Variants in CORO6 observed in about 807,000 individuals in gnomAD.
CORO6 encodes coronin 6, also known as coronin-6.
A neutral mutation model predicts 49.0 loss-of-function variants in CORO6; 43 were observed. That is an observed-to-expected ratio of 0.88 (90% CI 0.69 to 1.13). The LOEUF is 1.13. Ranked by LOEUF, CORO6 falls within the 50% of genes most tolerant of loss-of-function variation. The probability of loss-of-function intolerance (pLI) is 0.00; values close to 1 mark genes in which losing one functional copy is unlikely to be tolerated. For missense variants in CORO6, 650 were observed against 647.0 expected (o/e 1.00, Z -0.05); for synonymous variants, 233 against 256.5 (o/e 0.91, Z 0.88).
At position 29,616,306 on chromosome 17, in the gene CORO6, T is replaced by C. The variant is rs2034905829; in HGVS notation, c.1035A>G (p.Glu345=). The C allele has an allele frequency of 1.2e-6, 2 of 1,610,304 alleles. No individual in the cohort carries two copies. The highest frequency in any genetic ancestry group is 2.7e-5 in the African/African-American group (2 of 74,886). ...RFYKLHERKC[E]PIIMTVPRKS... ...TGCGGGGCACAGTCATGATGATAGG[T>C]TCACACTTTCTTTCGTGTAGCTTGT... The change falls in exon 9 of 11, where the codon GAA becomes GAG. Residue 345 remains glutamate (E), a synonymous_variant. Coordinates refer to ENST00000388767, the MANE Select transcript of CORO6 (RefSeq NM_032854.4). The surrounding 1 kb of genome is among the most constrained non-coding windows in gnomAD (Gnocchi z 5.6).
chr17:29,616,099 G>C lies in CORO6; in HGVS notation c.1139C>G (p.Ser380Cys). 2 of 1,613,192 alleles carry C rather than the reference G, an allele frequency of 1.2e-6. No homozygotes were observed. Among genetic ancestry groups the C allele is most frequent in the Non-Finnish European group, 1.7e-6 (2 of 1,180,018 alleles). The change falls in exon 10 of 11, where the codon TCC becomes TGC. Residue 380 changes from serine (S) to cysteine (C), a missense_variant. Ser to Cys is a moderately radical substitution (Grantham distance 112). Transcript: ENST00000388767. The surrounding 1 kb of genome is among the most constrained non-coding windows in gnomAD (Gnocchi z 5.6). ...GAGCACGGGTTCGGCGTCCTGGCCGGATAGCCATTCGTCCGCTTCTAGGGC... is the reference window on the plus strand; with the variant it reads ...GAGCACGGGTTCGGCGTCCTGGCCGCATAGCCATTCGTCCGCTTCTAGGGC... ...EPALEADEWL[S>C]GQDAEPVLIS...
At position 29,615,605 on chromosome 17, in the gene CORO6, G is replaced by A. The variant is rs2034817972; in HGVS notation, c.*127C>T. ...AGAGTTCTGGTCTCCCGCGAGGGGC[G>A]GAGTTCCCTCCCCAGTCCCGCCCCC... On this transcript the variant is annotated 3_prime_UTR_variant, in exon 11 of 11. Transcript: ENST00000388767. 8.7e-6 allele frequency: 9 copies of A among 1,037,308 alleles called. No individual in the cohort carries two copies. The highest frequency in any genetic ancestry group is 1.2e-5 in the Non-Finnish European group (9 of 747,006). The allele number at this position is 1,037,308 out of a possible 1,614,324, so 64.3% of individuals were successfully genotyped here.
chr17:29,616,675 T>C lies in CORO6; in HGVS notation c.1004+27A>G, dbSNP rs770187298. 2 of 1,583,030 alleles carry C rather than the reference T, an allele frequency of 1.3e-6. No homozygotes were observed. The highest frequency in any genetic ancestry group is 2.3e-5 in the East Asian group (1 of 44,240). ...TGAGTGGGGGACAGAGGCGGGTAGGTGTTCAGGAGGGGCCAAGGCTGCTGA... is the reference window on the plus strand; with the variant it reads ...TGAGTGGGGGACAGAGGCGGGTAGGCGTTCAGGAGGGGCCAAGGCTGCTGA... On this transcript the variant is annotated intron_variant, in intron 8 of 10. Transcript: ENST00000388767. This position sits in a 1 kb window ranked among gnomAD's most constrained non-coding sequence, Gnocchi z 5.6.
chr17:29,618,239 C>T, intron 5 of CORO6: 1 of 1,312,356 alleles, frequency 7.6e-7, no homozygotes, highest in Non-Finnish European at 9.7e-7. Context: ...TTGCTCCACG[C>T]AGACATGCAC....
chr17:29,622,644 G>C, intron 1 of CORO6, 44 bp downstream of exon 1: 1 of 1,114,460 alleles, frequency 9.0e-7, no homozygotes, highest in Non-Finnish European at 1.1e-6. Context: ...GACCCCGCCC[G>C]CTCCGCTGGC....
At chr17:29,617,936 G>T in intron 5 of CORO6, 1 of 938,446 alleles carries the variant, frequency 1.1e-6, no homozygotes, top group South Asian at 1.9e-5. Flanking sequence ...TTTCCCGAAT[G>T]GGAGCTCCCC....
At position 29,616,298 on chromosome 17, in the gene CORO6, A is replaced by G; in HGVS notation, c.1043T>C (p.Ile348Thr). ...CCTCACCTTGCGGGGCACAGTCATG[A>G]TGATAGGTTCACACTTTCTTTCGTG... ...KLHERKCEPI[I>T]MTVPRKSDLF... The change falls in exon 9 of 11, where the codon ATC becomes ACC. Residue 348 changes from isoleucine to threonine, a missense_variant. Transcript: ENST00000388767. The surrounding 1 kb of genome is among the most constrained non-coding windows in gnomAD (Gnocchi z 5.6). The G allele has an allele frequency of 6.2e-7, 1 of 1,611,050 alleles. No individual in the cohort carries two copies. Among genetic ancestry groups the G allele is most frequent in the Non-Finnish European group, 8.5e-7 (1 of 1,178,618 alleles).
In CORO6 at chr17:29,615,106, T is replaced by G. The variant is rs563169232; in HGVS notation, c.*626A>C. On this transcript the variant is annotated 3_prime_UTR_variant, in exon 11 of 11. Coordinates refer to ENST00000388767, the MANE Select transcript of CORO6 (RefSeq NM_032854.4). The stretch of plus-strand genomic sequence containing the variant: ...CTCATGCCAGTTCTCTCGAGATTTC[T>G]TCGCGGGGGCTGCCGCGAGGAAGCA... 3.0e-4 allele frequency: 45 copies of G among 152,242 alleles called. No individual in the cohort carries two copies. Among genetic ancestry groups the G allele is most frequent in the African/African-American group, 1.1e-3 (44 of 41,476 alleles). The allele number at this position is 152,242 out of a possible 1,614,324, so 9.4% of individuals were successfully genotyped here. A position where few individuals can be genotyped will look rare whatever the true frequency, so the allele number is the denominator to read the frequency against.
chr17:29,621,741 A>G lies in CORO6; in HGVS notation c.-63-257T>C. 1 of 346,716 alleles carries G rather than the reference A, an allele frequency of 2.9e-6. No individual in the cohort carries two copies. The highest frequency in any genetic ancestry group is 5.5e-6 in the Non-Finnish European group (1 of 183,206). The allele number at this position is 346,716 out of a possible 1,614,324, so 21.5% of individuals were successfully genotyped here. On this transcript the variant is annotated intron_variant, in intron 1 of 10. Transcript: ENST00000388767. This position sits in a 1 kb window ranked among gnomAD's most constrained non-coding sequence, Gnocchi z 4.2. ...GACTGAAAGCTTTCTGGACGTTGGA[A>G]TGTTTTTGGGAGGAGCCTCAATGCC...
intron 6 of CORO6, 130 bp downstream of exon 6, chr17:29,617,370 A>C (rs1299045046): frequency 1.3e-6 from 2 of 1,542,692 alleles, no homozygotes; most frequent in Non-Finnish European, 1.7e-6. Flanking sequence ...TGAGAATGGC[A>C]GGCGCTGCAG....
chr17:29,616,173 T>C lies in CORO6; in HGVS notation c.1065A>G (p.Ser355=). ...EPIIMTVPRK[S]DLFQDDLYPD... ...GGTACAGATCGTCCTGGAAGAGGTC[T>C]GACTGCGGGGGTGGGTGGACAGGAG... The change falls in exon 10 of 11, where the codon TCA becomes TCG. Residue 355 remains serine, a splice_region_variant and synonymous_variant. Coordinates refer to ENST00000388767, the MANE Select transcript of CORO6 (RefSeq NM_032854.4). This position sits in a 1 kb window ranked among gnomAD's most constrained non-coding sequence, Gnocchi z 5.6. 1.2e-6 allele frequency: 2 copies of C among 1,612,676 alleles called. No individual in the cohort carries two copies. Among genetic ancestry groups the C allele is most frequent in the Non-Finnish European group, 1.7e-6 (2 of 1,179,164 alleles).
In CORO6 at chr17:29,616,287, G is replaced by T; in HGVS notation, c.1054C>A (p.Pro352Thr). 1 of 1,611,008 alleles carries T rather than the reference G, an allele frequency of 6.2e-7. No homozygotes were observed. Among genetic ancestry groups the T allele is most frequent in the Non-Finnish European group, 8.5e-7 (1 of 1,178,580 alleles). ...TTCTCCCGGCCCCTCACCTTGCGGG[G>T]CACAGTCATGATGATAGGTTCACAC... ...RKCEPIIMTV[P>T]RKSDLFQDDL... Residue 352 changes from proline to threonine, a missense_variant, in exon 9 of 11, where the codon CCC (proline) becomes ACC (threonine). Pro to Thr is a conservative substitution (Grantham distance 38). Transcript: ENST00000388767. This position sits in a 1 kb window ranked among gnomAD's most constrained non-coding sequence, Gnocchi z 5.6.
rs779106213 is a variant in CORO6 at position 29,618,825 on chromosome 17, G to T, written c.598C>A (p.Arg200Ser). 5.0e-5 allele frequency: 81 copies of T among 1,613,904 alleles called. No homozygotes were observed. The highest frequency in any genetic ancestry group is 6.5e-5 in the Non-Finnish European group (77 of 1,180,004). ...LATTCKDKTL[R>S]IIDPRKGQVV... ...TGGCCTTTTCTGGGGTCAATGATGC[G>T]CAAGGTCTTGTCCTTGCAGGTGGTG... is the stretch of plus-strand genomic sequence containing the variant. Residue 200 changes from arginine to serine, a missense_variant, in exon 5 of 11, where the codon CGC becomes AGC. By Grantham distance (110) the Arg-to-Ser change is moderately radical (BLOSUM62 -1). Transcript: ENST00000388767.
chr17:29,615,120 C>T lies in CORO6; in HGVS notation c.*612G>A, dbSNP rs2034785087. On this transcript the variant is annotated 3_prime_UTR_variant, in exon 11 of 11. Transcript: ENST00000388767. Reference sequence around the variant, plus strand: ...CTCGAGATTTCTTCGCGGGGGCTGCCGCGAGGAAGCAGCCCTCGCCCCTGT... The same window carrying T: ...CTCGAGATTTCTTCGCGGGGGCTGCTGCGAGGAAGCAGCCCTCGCCCCTGT... 1 of 152,160 alleles carries T rather than the reference C, an allele frequency of 6.6e-6. No individual in the cohort carries two copies. Among genetic ancestry groups the T allele is most frequent in the Non-Finnish European group, 1.5e-5 (1 of 68,042 alleles). The allele number at this position is 152,160 out of a possible 1,614,324, so 9.4% of individuals were successfully genotyped here.
In CORO6 at chr17:29,622,834, C is replaced by T. The variant is rs1428937922; in HGVS notation, c.-210G>A. 1.5e-6 allele frequency: 2 copies of T among 1,305,328 alleles called. No homozygotes were observed. The highest frequency in any genetic ancestry group is 2.0e-6 in the Non-Finnish European group (2 of 991,296). The allele number at this position is 1,305,328 out of a possible 1,614,324, so 80.9% of individuals were successfully genotyped here. On this transcript the variant is annotated 5_prime_UTR_variant, in exon 1 of 11. Transcript: ENST00000388767. ...TCTGGGACCCGGGTGTCCAGCTCCG[C>T]ACTCTGGCCGATCCTGCGGCTCTCT... is the stretch of plus-strand genomic sequence containing the variant.
At chr17:29,622,647 C>T in intron 1 of CORO6, 41 bp downstream of exon 1, 1 of 1,128,624 alleles carries the variant, frequency 8.9e-7, no homozygotes, top group Non-Finnish European at 1.1e-6. Flanking sequence ...CCCGCCCGCT[C>T]CGCTGGCTGC....
Position 29,616,987 on chromosome 17 carries a change from A to G in CORO6, c.809T>C (p.Leu270Pro), listed in dbSNP as rs545503072. ...GGAGTCGGGATCGTAAAAGGGCAATAGGACCCCGTTGCTTGTGTCCATCTC... is the reference window on the plus strand; with the variant it reads ...GGAGTCGGGATCGTAAAAGGGCAATGGGACCCCGTTGCTTGTGTCCATCTC... ...LQEMDTSNGV[L>P]LPFYDPDSSI... is the part of the protein sequence containing the mutation. Residue 270 changes from leucine (L) to proline (P), a missense_variant, in exon 7 of 11, where the codon CTA (leucine) becomes CCA (proline). By Grantham distance (98) the Leu-to-Pro change is moderately conservative. Transcript: ENST00000388767. The surrounding 1 kb of genome is among the most constrained non-coding windows in gnomAD (Gnocchi z 5.6). 1.2e-6 allele frequency: 2 copies of G among 1,613,804 alleles called. No homozygotes were observed. Among genetic ancestry groups the G allele is most frequent in the Middle Eastern group, 1.6e-4 (1 of 6,062 alleles).
At chr17:29,617,451 C>T (rs776156815) in intron 6 of CORO6, 49 bp downstream of exon 6, 2 of 1,572,642 alleles carry the variant, frequency 1.3e-6, no homozygotes. Flanking sequence ...GCCACTCTCC[C>T]GTGATGCCAG....
rs745920369 is a variant in CORO6 at position 29,617,567 on chromosome 17, C to A, written c.686G>T (p.Arg229Leu). 2.3e-5 allele frequency: 37 copies of A among 1,608,568 alleles called. No individual in the cohort carries two copies. The highest frequency in any genetic ancestry group is 3.1e-5 in the Non-Finnish European group (37 of 1,178,600). The change falls in exon 6 of 11, where the codon CGC becomes CTC. Residue 229 changes from arginine (R) to leucine (L), a missense_variant. By Grantham distance (102) the Arg-to-Leu change is moderately radical. Coordinates refer to ENST00000388767, the MANE Select transcript of CORO6 (RefSeq NM_032854.4). ...GMRPMRAVFT[R>L]QGHIFTTGFT... is the part of the protein sequence containing the mutation. The stretch of plus-strand genomic sequence containing the variant: ...GCCCGTGGTGAAGATATGGCCCTGG[C>A]GCGTGAAGACGGCCCGCATGGGCCT...
Sources: allele counts gnomAD v4.1 joint callset, GRCh38; gene constraint gnomAD v4.1.1; non-coding constraint Gnocchi (gnomAD v3.1); transcripts MANE v1.5; gene names NCBI Gene and HGNC (gene_info 2026-07-23, HGNC 2026-07-21).